The following CDKN2A variants were observed in gnomAD, a reference collection of about 807,000 sequenced individuals.
CDKN2A encodes cyclin-dependent kinase inhibitor 2A.
Under a neutral mutation model 11.1 loss-of-function variants are expected in CDKN2A, and 3 were observed. The ratio of observed to expected loss-of-function variants is 0.27; its 90% CI spans 0.12 to 0.70. The LOEUF (loss-of-function observed/expected upper bound fraction) is 0.70. Ranked by LOEUF, CDKN2A falls within the 30% of genes least tolerant of loss-of-function variation. The probability of loss-of-function intolerance (pLI) is 0.77; values close to 1 mark genes in which losing one functional copy is unlikely to be tolerated. For synonymous variants in CDKN2A, 122 were observed against 108.1 expected, an observed-to-expected ratio of 1.13 and a Z score of -0.80; for missense variants, 265 against 233.6, an observed-to-expected ratio of 1.13 and a Z score of -0.88.
At position 21,970,872 on chromosome 9, in the gene CDKN2A, G is replaced by T. The variant is rs780868128; in HGVS notation, c.457+30C>A. The T allele has an allele frequency of 2.5e-6, 4 of 1,607,094 alleles. No individual in the cohort carries two copies. In the African/African-American group the frequency reaches 4.0e-5, roughly 16 times the overall value. On this transcript the variant is annotated intron_variant, in intron 2 of 2. Coordinates refer to ENST00000304494, the MANE Select transcript of CDKN2A (RefSeq NM_000077.5). ...TGCTCTGAGCTTTGGAAGCTCTCAG[G>T]GTACAAATTCTCAGATCATCAGTCC...
Position 21,974,582 on chromosome 9 carries a change from G to A in CDKN2A, c.150+96C>T, listed in dbSNP as rs2131110599. 1 of 1,613,826 alleles carries A rather than the reference G, an allele frequency of 6.2e-7. No homozygotes were observed. Among genetic ancestry groups the A allele is most frequent in the Non-Finnish European group, 8.5e-7 (1 of 1,179,986 alleles). ...CCCCAGGAAGCCTCCCCTTTTTCCG[G>A]AGAATCGAAGCGCTACCTGATTCCA... is the stretch of plus-strand genomic sequence containing the variant. On this transcript the variant is annotated intron_variant, in intron 1 of 2. Coordinates refer to ENST00000304494, the MANE Select transcript of CDKN2A (RefSeq NM_000077.5). The surrounding 1 kb of genome is among the most constrained non-coding windows in gnomAD (Gnocchi z 5.2).
intron 2 of CDKN2A, among the ~76,000 whole-genome samples, chr9:21,985,674 G>A (rs1587350629): frequency 1.3e-5 from 2 of 151,912 alleles, no homozygotes; most frequent in East Asian, 3.9e-4. Context: ...TAGAAAACAG[G>A]GGTTCACAAA....
chr9:21,992,728 T>C (rs1298527118), intron 2 of CDKN2A, among the ~76,000 whole-genome samples: 3 of 151,952 alleles, frequency 2.0e-5, no homozygotes, highest in Non-Finnish European at 4.4e-5. Context: ...TATAGAATAA[T>C]ATTAACTAGA....
intron 2 of CDKN2A, chr9:21,992,429 A>G: frequency 1.0e-6 from 1 of 984,404 alleles, no homozygotes; most frequent in South Asian, 4.7e-5. Context: ...CTATCTTGAG[A>G]AACTTCCTGA....
rs1563904057 is a variant in CDKN2A, at chr9:21,995,014, T to G, written c.-369A>C. 1 of 152,236 alleles carries G rather than the reference T, an allele frequency of 6.6e-6. No homozygotes were observed. Among genetic ancestry groups the G allele is most frequent in the Non-Finnish European group, 1.5e-5 (1 of 68,064 alleles). The allele number at this position is 152,236 out of a possible 1,614,324, so 9.4% of individuals were successfully genotyped here. A position where few individuals can be genotyped will look rare whatever the true frequency, so the allele number is the denominator to read the frequency against. Reference sequence around the variant, plus strand: ...CGCCAATCAGGAGGCTGAATGTCAGTTTTGAACTAAAAGCCGCTCCGCTCC... The same window carrying G: ...CGCCAATCAGGAGGCTGAATGTCAGGTTTGAACTAAAAGCCGCTCCGCTCC... On this transcript the variant is annotated 5_prime_UTR_variant, in exon 1 of 4. Coordinates refer to the CDKN2A transcript ENST00000494262. The surrounding 1 kb of genome is among the most constrained non-coding windows in gnomAD (Gnocchi z 5.7).
exon 2 of CDKN2A, chr9:21,993,901 A>C: frequency 1.7e-6 from 1 of 582,024 alleles, no homozygotes; most frequent in East Asian, 3.0e-5. Flanking sequence ...AGGTGGGTTT[A>C]GAAGCTCTGT....
chr9:21,974,352 C>A lies in CDKN2A; in HGVS notation c.150+326G>T, dbSNP rs1452753738. The A allele has an allele frequency of 2.0e-6, 3 of 1,467,280 alleles. No homozygotes were observed. The highest frequency in any genetic ancestry group is 2.7e-6 in the Non-Finnish European group (3 of 1,095,820). The allele number at this position is 1,467,280 out of a possible 1,614,324, so 90.9% of individuals were successfully genotyped here. ...CAGCACATCTTACATTTCTTTAAGA[C>A]TCCCTTTTTATCCCAAACGTTCGTA... is the stretch of plus-strand genomic sequence containing the variant. On this transcript the variant is annotated intron_variant, in intron 1 of 2. Transcript: ENST00000304494. The surrounding 1 kb of genome is among the most constrained non-coding windows in gnomAD (Gnocchi z 5.2).
At position 21,974,724 on chromosome 9, in the gene CDKN2A, C is replaced by T. The variant is rs746834149; in HGVS notation, c.104G>A (p.Gly35Glu). Residue 35 changes from glycine to glutamate, a missense_variant, in exon 1 of 3, where the codon GGG becomes GAG. Coordinates refer to ENST00000304494, the MANE Select transcript of CDKN2A (RefSeq NM_000077.5). This position sits in a 1 kb window ranked among gnomAD's most constrained non-coding sequence, Gnocchi z 5.2. ...VEEVRALLEA[G>E]ALPNAPNSYG... is the part of the protein sequence containing the mutation. ...ACTATTCGGTGCGTTGGGCAGCGCC[C>T]CCGCCTCCAGCAGCGCCCGCACCTC... is the stretch of plus-strand genomic sequence containing the variant. The T allele has an allele frequency of 1.2e-6, 2 of 1,613,104 alleles. No homozygotes were observed. Among genetic ancestry groups the T allele is most frequent in the Non-Finnish European group, 1.7e-6 (2 of 1,179,864 alleles).
chr9:21,983,725 C>T (rs1820244455), intron 2 of CDKN2A, among the ~76,000 whole-genome samples: 1 of 151,998 alleles, frequency 6.6e-6, no homozygotes, highest in African/African-American at 2.4e-5. Flanking sequence ...AAGTCAGTTC[C>T]TCTCTCCATT....
chr9:21,971,590 T>TTTTTTTTTTTTTTTTTTTTTTG (rs1563890358), intron 1 of CDKN2A, among the ~76,000 whole-genome samples: 1 of 150,280 alleles, frequency 6.7e-6, no homozygotes, highest in African/African-American at 2.5e-5. Flanking sequence ...TTTTTTTTTT[T>TTTTTTTTTTTTTTTTTTTTTTG]TTGTTCACTG....
At chr9:21,974,860 C>T (rs531597737), upstream of CDKN2A, 4 of 1,515,780 alleles carry the variant, frequency 2.6e-6, no homozygotes, top group East Asian at 7.4e-5. This position sits in a 1 kb window ranked among gnomAD's most constrained non-coding sequence, Gnocchi z 5.2. Flanking sequence ...CTGCTCTCCC[C>T]CTCTCCGCAG....
intron 1 of CDKN2A, chr9:21,971,420 T>G (rs955417933): frequency 1.5e-5 from 22 of 1,427,684 alleles, no homozygotes; most frequent in Non-Finnish European, 1.8e-5. Flanking sequence ...TCCGAACTTC[T>G]GCGGAGCTGT....
intron 1 of CDKN2A, chr9:21,994,535 T>A: frequency 1.0e-6 from 1 of 979,398 alleles, no homozygotes; most frequent in Non-Finnish European, 1.3e-6. Context: ...CCACCCCCAC[T>A]CCCACCCGGA....
intron 2 of CDKN2A, among the ~76,000 whole-genome samples, chr9:21,987,432 CAGAG>C (rs57973132): frequency 0.04 from 5,461 of 137,898 alleles, 170 homozygotes; most frequent in East Asian, 0.1. Flanking sequence ...CACACACACA[CAGAG>C]AGAGAGAGAG....
chr9:21,971,044 G>T lies in CDKN2A; in HGVS notation c.315C>A (p.Asp105Glu), dbSNP rs763269347. The change falls in exon 2 of 3, where the codon GAC (aspartate) becomes GAA (glutamate). Residue 105 changes from aspartate (D) to glutamate (E), a missense_variant. By Grantham distance (45) the Asp-to-Glu change is conservative (BLOSUM62 2). Transcript: ENST00000304494. ...VVLHRAGARL[D>E]VRDAWGRLPV... ...GCAGACGGCCCCAGGCATCGCGCAC[G>T]TCCAGCCGCGCCCCGGCCCGGTGCA... 20 of 1,605,504 alleles carry T rather than the reference G, an allele frequency of 1.2e-5. No individual in the cohort carries two copies. In the East Asian group the frequency reaches 4.0e-4, roughly 32 times the overall value.
chr9:21,970,510 A>G (rs1819655231), intron 2 of CDKN2A: 1 of 455,844 alleles, frequency 2.2e-6, no homozygotes, highest in Non-Finnish European at 3.9e-6. Flanking sequence ...CCAGCTTGGT[A>G]TGCAAATGAG....
chr9:21,973,908 C>T lies in CDKN2A; in HGVS notation c.150+770G>A, dbSNP rs188292397. On this transcript the variant is annotated intron_variant, in intron 1 of 2. Transcript: ENST00000304494. Reference sequence around the variant, plus strand: ...TCTCTCTTTCTCTCTTTCTTTCTTTCGACAAAGTCTCACTCTGTCACCCAG... The same window carrying T: ...TCTCTCTTTCTCTCTTTCTTTCTTTTGACAAAGTCTCACTCTGTCACCCAG... 2.6e-5 allele frequency among the ~76,000 whole-genome samples: 4 copies of T among 152,122 alleles called. No individual in the cohort carries two copies. In the East Asian group the frequency reaches 5.8e-4, roughly 22 times the overall value.
upstream of CDKN2A, among the ~76,000 whole-genome samples, chr9:21,977,659 C>CCGCA (rs1820072954): frequency 1.3e-5 from 2 of 152,156 alleles, no homozygotes; most frequent in South Asian, 4.1e-4. Flanking sequence ...AGCCATCGTG[C>CCGCA]CCGGCCTACA....
upstream of CDKN2A, among the ~76,000 whole-genome samples, chr9:21,975,675 A>G (rs980970698): frequency 5.9e-5 from 9 of 151,916 alleles, no homozygotes; most frequent in Non-Finnish European, 1.3e-4. Flanking sequence ...GGTTTATTTA[A>G]TACGGACGGG....
Sources: allele counts gnomAD v4.1 joint callset (sites outside exome capture counted in the v4.1 genomes callset), GRCh38; gene constraint gnomAD v4.1.1; non-coding constraint Gnocchi (gnomAD v3.1); transcripts MANE v1.5; gene names NCBI Gene and HGNC (gene_info 2026-07-23, HGNC 2026-07-21).